CC2D2A: variants seen among roughly 807,000 people sequenced by gnomAD.
CC2D2A encodes the protein coiled-coil and C2 domain-containing protein 2A.
CC2D2A carries 155 observed loss-of-function variants against 212.9 expected under a neutral mutation model. That is an observed-to-expected ratio of 0.73 (90% CI 0.64 to 0.83). The LOEUF (loss-of-function observed/expected upper bound fraction) is 0.83, where lower values mean the gene tolerates loss of function less well. CC2D2A is among the 40% of genes least tolerant of loss of function. The probability of loss-of-function intolerance (pLI) is 0.00; values close to 1 mark genes in which losing one functional copy is unlikely to be tolerated. For synonymous variants in CC2D2A, 667 were observed against 686.5 expected, an observed-to-expected ratio of 0.97 and a Z score of 0.44; for missense variants, 1,856 against 1,956.2, an observed-to-expected ratio of 0.95 and a Z score of 0.97.
chr4:15,514,745 C>A lies in CC2D2A; in HGVS notation c.756C>A (p.Asp252Glu), dbSNP rs1167927165. Residue 252 changes from aspartate (D) to glutamate (E), a missense_variant, in exon 9 of 37, where the codon GAC becomes GAA. By Grantham distance (45) the Asp-to-Glu change is conservative. Around this residue, in one of 5 missense-constraint regions of CC2D2A, gnomAD observed 1,512 missense variants for 1,579.3 expected, o/e 0.96. Transcript: ENST00000424120. ...EELLNGDDAE[D>E]FLLGLDHVAD... ...TGCTTAATGGTGATGATGCCGAGGACTTCCTATTGGGCTTAGATCACGTGG... is the reference window on the plus strand; with the variant it reads ...TGCTTAATGGTGATGATGCCGAGGAATTCCTATTGGGCTTAGATCACGTGG... 1 of 1,605,804 alleles carries A rather than the reference C, an allele frequency of 6.2e-7. No homozygotes were observed. Among genetic ancestry groups the A allele is most frequent in the African/African-American group, 1.3e-5 (1 of 74,778 alleles).
At chr4:15,598,103 C>T (rs1721400306) in intron 35 of CC2D2A, among the ~76,000 whole-genome samples, 1 of 152,138 alleles carries the variant, frequency 6.6e-6, no homozygotes. Flanking sequence ...TCCATAATGC[C>T]TTATTCAAGA....
At chr4:15,485,979 A>G (rs1714977611) in intron 4 of CC2D2A, among the ~76,000 whole-genome samples, 2 of 152,074 alleles carry the variant, frequency 1.3e-5, no homozygotes, top group Non-Finnish European at 2.9e-5. Context: ...GATTTTATAT[A>G]TTGAACTATC....
At chr4:15,470,685 CTCTCTATATATA>C (rs1437311798) in intron 1 of CC2D2A, among the ~76,000 whole-genome samples, 9 of 40,548 alleles carry the variant, frequency 2.2e-4, no homozygotes, top group East Asian at 1.9e-3. Context: ...CTCTCTCTCT[CTCTCTATATATA>C]TATATATATA....
At chr4:15,525,779 TTCTC>T (rs1316496529) in intron 11 of CC2D2A, among the ~76,000 whole-genome samples, 1 of 152,242 alleles carries the variant, frequency 6.6e-6, no homozygotes, top group Non-Finnish European at 1.5e-5. Flanking sequence ...CTAGAGGTCT[TTCTC>T]TCTAATAGTA....
At chr4:15,593,928 C>T (rs948551785) in intron 33 of CC2D2A, among the ~76,000 whole-genome samples, 2 of 152,154 alleles carry the variant, frequency 1.3e-5, no homozygotes, top group African/African-American at 4.8e-5. Context: ...ATTGTCACTC[C>T]TCTACCCAAA....
At chr4:15,574,939 C>T (rs187000749) in intron 29 of CC2D2A, among the ~76,000 whole-genome samples, 26 of 152,372 alleles carry the variant, frequency 1.7e-4, no homozygotes, top group South Asian at 1.0e-3. Flanking sequence ...ATTACTGGAA[C>T]GCTACGCATG....
In CC2D2A at chr4:15,511,425, T is replaced by C; in HGVS notation, c.717+2T>C. The C allele has an allele frequency of 6.5e-7, 1 of 1,531,382 alleles. No homozygotes were observed. Among genetic ancestry groups the C allele is most frequent in the Non-Finnish European group, 8.7e-7 (1 of 1,148,466 alleles). The allele number at this position is 1,531,382 out of a possible 1,614,324, so 94.9% of individuals were successfully genotyped here. On this transcript the variant is annotated splice_donor_variant, in intron 8 of 36. Transcript: ENST00000424120. LOFTEE classifies it high-confidence loss of function. ...GCACAAGGAGGAGGAAAGGAAATGG[T>C]ATTTAATATCAGGATGGTAATGAGG... is the stretch of plus-strand genomic sequence containing the variant.
chr4:15,516,454 T>TG (rs1334586290), intron 10 of CC2D2A, among the ~76,000 whole-genome samples, 171 bp from the exon 11 acceptor site: 1 of 152,250 alleles, frequency 6.6e-6, no homozygotes, highest in African/African-American at 2.4e-5. Context: ...TGAGAAGTGT[T>TG]AGTGAAGACT....
intron 8 of CC2D2A, among the ~76,000 whole-genome samples, chr4:15,514,222 G>C (rs2109010954): frequency 6.6e-6 from 1 of 152,312 alleles, no homozygotes; most frequent in Middle Eastern, 3.4e-3. Context: ...GGTTAAATAA[G>C]CTGTTTCAAG....
intron 6 of CC2D2A, among the ~76,000 whole-genome samples, chr4:15,509,660 C>T (rs570241175): frequency 1.2e-3 from 176 of 152,290 alleles, no homozygotes; most frequent in African/African-American, 3.9e-3. Context: ...AAAATATCAA[C>T]ATCAACCTTC....
intron 6 of CC2D2A, among the ~76,000 whole-genome samples, chr4:15,505,006 C>A (rs1716177126): frequency 6.6e-6 from 1 of 152,204 alleles, no homozygotes; most frequent in Non-Finnish European, 1.5e-5. Context: ...CCAGACCCCG[C>A]TTCCCGCCTC....
chr4:15,554,166 A>G (rs1443988489), intron 19 of CC2D2A, among the ~76,000 whole-genome samples: 2 of 152,240 alleles, frequency 1.3e-5, no homozygotes, highest in Non-Finnish European at 2.9e-5. Context: ...ATGCCTTTGA[A>G]TGTAAGAAGT....
chr4:15,596,633 A>AGT (rs1308678277), intron 34 of CC2D2A, among the ~76,000 whole-genome samples: 2 of 152,214 alleles, frequency 1.3e-5, no homozygotes, highest in Non-Finnish European at 2.9e-5. Flanking sequence ...GCAGTTTACT[A>AGT]AAAGTTTTGT....
chr4:15,593,383 A>G (rs1210662390), intron 33 of CC2D2A, among the ~76,000 whole-genome samples: 2 of 152,104 alleles, frequency 1.3e-5, no homozygotes, highest in African/African-American at 4.8e-5. Context: ...CTTTTTCTGT[A>G]TTCTCCAAAT....
At chr4:15,502,345 A>T in intron 4 of CC2D2A, 84 bp from the exon 5 acceptor site, 2 of 1,016,742 alleles carry the variant, frequency 2.0e-6, no homozygotes, top group Non-Finnish European at 1.4e-6. Flanking sequence ...TTTTGGGGGG[A>T]GGGAATTGTT....
chr4:15,597,443 G>T lies in CC2D2A; in HGVS notation c.4474G>T (p.Ala1492Ser), dbSNP rs1289904159. 3 of 1,553,504 alleles carry T rather than the reference G, an allele frequency of 1.9e-6. No homozygotes were observed. Among genetic ancestry groups the T allele is most frequent in the Non-Finnish European group, 2.6e-6 (3 of 1,147,732 alleles). ...AATTTACCAGCGCTCAGACAAAGCA[G>T]CTGCAGCTGAGCTACAAGACAGGTA... is the stretch of plus-strand genomic sequence containing the variant. The part of the protein sequence containing the change: ...ELIYQRSDKA[A>S]AAELQDRIEK... Residue 1492 changes from alanine to serine, a missense_variant, in exon 35 of 37, where the codon GCT (alanine) becomes TCT (serine). Around this residue, in one of 5 missense-constraint regions of CC2D2A, gnomAD observed 285 missense variants for 278.4 expected, o/e 1.02. Transcript: ENST00000424120.
rs1717579954 is a variant in CC2D2A, at chr4:15,527,590, G to A, written c.1293G>A (p.Leu431=). 1 of 1,613,324 alleles carries A rather than the reference G, an allele frequency of 6.2e-7. No individual in the cohort carries two copies. The highest frequency in any genetic ancestry group is 8.5e-7 in the Non-Finnish European group (1 of 1,179,602). Residue 431 remains leucine (L), a synonymous_variant, in exon 12 of 37, where the codon CTG becomes CTA. Transcript: ENST00000424120. The stretch of plus-strand genomic sequence containing the variant: ...GAGAGCATGTTTTGGCAGCCAAGCT[G>A]GCCCAGTTATATGACCAGTACCTTG... ...FSREHVLAAK[L]AQLYDQYLAR... is the part of the protein sequence containing the mutation.
At chr4:15,479,585 G>T (rs1053784651) in intron 3 of CC2D2A, among the ~76,000 whole-genome samples, 1 of 152,162 alleles carries the variant, frequency 6.6e-6, no homozygotes, top group African/African-American at 2.4e-5. Context: ...TCTGGGCAGA[G>T]GAGTCACTTT....
rs1000428551 is a variant in CC2D2A at position 15,479,548 on chromosome 4, C to A, written c.123+742C>A. ...GAAGAGACCTCCCTCCTAGCTCCCC[C>A]CTTGCTCAGCACACTCCTCGGGGCA... On this transcript the variant is annotated intron_variant, in intron 3 of 36. Transcript: ENST00000424120. Among the ~76,000 whole-genome samples, 69 of 152,106 alleles carry A rather than the reference C, an allele frequency of 4.5e-4. 1 individual carries two copies. The highest frequency in any genetic ancestry group is 1.6e-3 in the Admixed American group (24 of 15,264).
Sources: gnomAD v4.1 joint callset for allele counts (sites outside exome capture counted in the v4.1 genomes callset) on GRCh38, gnomAD v4.1.1 for gene constraint, gnomAD v4.1.1 regional missense constraint, MANE v1.5 for transcripts, NCBI Gene and HGNC (gene_info 2026-07-23, HGNC 2026-07-21) for gene names.